KCNT1: variants seen among roughly 807,000 people sequenced by gnomAD.
KCNT1 encodes the protein potassium sodium-activated channel subfamily T member 1, also known as potassium channel subfamily T member 1.
Under a neutral mutation model 147.8 loss-of-function variants are expected in KCNT1, and 78 were observed. The ratio of observed to expected loss-of-function variants is 0.53; its 90% confidence interval spans 0.44 to 0.64. The LOEUF is 0.64. Among genes scored for constraint, KCNT1 ranks in the 30% least tolerant of loss-of-function variants. The pLI is 0.00. For missense variants in KCNT1, 1,419 were observed against 1,750.3 expected, an observed-to-expected ratio of 0.81 and a Z score of 3.38; for synonymous variants, 867 against 748.8, an observed-to-expected ratio of 1.16 and a Z score of -2.58.
chr9:135,770,794 AGGCAGGGAGCGGGACAGGGCG>A, intron 17 of KCNT1, 42 bp from the exon 18 acceptor site: 1 of 1,411,688 alleles, frequency 7.1e-7, no homozygotes, highest in Non-Finnish European at 9.7e-7. Flanking sequence ...CAGGAAGGGC[AGGCAGGGAGCGGGACAGGGCG>A]GGTGAGCGGC....
In KCNT1 at chr9:135,765,612, C is replaced by T. The variant is rs1233968615; in HGVS notation, c.1201-12C>T. ...CTGGCTCAGAGGGTCTGACCCTCCG[C>T]CTGGCCGGCAGGACTATTACGTGGT... On this transcript the variant is annotated splice_polypyrimidine_tract_variant and intron_variant, in intron 12 of 30. Transcript: ENST00000371757. The T allele has an allele frequency of 1.2e-6, 2 of 1,602,932 alleles. No individual in the cohort carries two copies. Among genetic ancestry groups the T allele is most frequent in the East Asian group, 2.2e-5 (1 of 44,594 alleles).
intron 2 of KCNT1, among the ~76,000 whole-genome samples, chr9:135,738,417 T>C (rs1225124856): frequency 2.0e-5 from 3 of 152,066 alleles, no homozygotes; most frequent in Admixed American, 2.0e-4. Context: ...GCAGAGGACT[T>C]GGTAGGTTTG....
At chr9:135,765,858 T>G in intron 13 of KCNT1, 98 bp downstream of exon 13, 1 of 1,086,252 alleles carries the variant, frequency 9.2e-7, no homozygotes, top group Non-Finnish European at 1.3e-6. Context: ...TCCTGGCCAA[T>G]GAGAGCCATG....
At chr9:135,785,238 A>G in intron 27 of KCNT1, 72 bp from the exon 28 acceptor site, 2 of 1,593,828 alleles carry the variant, frequency 1.3e-6, no homozygotes, top group Non-Finnish European at 1.7e-6. Flanking sequence ...TTCCGTGCAG[A>G]CCCCAGGCTG....
At chr9:135,759,988 G>A (rs1831806589) in intron 11 of KCNT1, 129 bp downstream of exon 11, 1 of 874,122 alleles carries the variant, frequency 1.1e-6, no homozygotes. Flanking sequence ...GTGAGGCCAG[G>A]CGGGTGGTGC....
intron 1 of KCNT1, 112 bp downstream of exon 1, chr9:135,702,480 C>A: frequency 2.2e-6 from 2 of 906,326 alleles, no homozygotes; most frequent in Non-Finnish European, 3.5e-6. Flanking sequence ...CAGGGCCATC[C>A]AACTTCCCCA....
chr9:135,771,172 C>T, intron 18 of KCNT1, 77 bp downstream of exon 18: 1 of 1,356,646 alleles, frequency 7.4e-7, no homozygotes, highest in Non-Finnish European at 1.0e-6. Context: ...CGGCAGGTGA[C>T]CAGGTGGGAT....
chr9:135,735,209 C>T (rs577004690), intron 2 of KCNT1, among the ~76,000 whole-genome samples: 2 of 152,356 alleles, frequency 1.3e-5, no homozygotes, highest in Admixed American at 1.3e-4. Context: ...AGACCACACA[C>T]AGTGGCTTTT....
In KCNT1 at chr9:135,770,093, C is replaced by T. The variant is rs112428005; in HGVS notation, c.1619+38C>T. 5.1e-3 allele frequency: 7,755 copies of T among 1,512,404 alleles called. 337 individuals carry two copies. The African/African-American group carries it at 0.095, about 19-fold the overall frequency. 93.7% of individuals were successfully genotyped at this position (1,512,404 alleles called of 1,614,324 possible). ...TGCCCCGGGGGACCGACCTCCATGG[C>T]GGGGCCGGCGCAGGGAGACAACGCA... On this transcript the variant is annotated intron_variant, in intron 16 of 30. Coordinates refer to ENST00000371757, the MANE Select transcript of KCNT1 (RefSeq NM_020822.3).
chr9:135,734,706 G>A (rs113710611), intron 2 of KCNT1, among the ~76,000 whole-genome samples: 1 of 152,172 alleles, frequency 6.6e-6, no homozygotes, highest in Non-Finnish European at 1.5e-5. Context: ...AGCCGCCCCG[G>A]GTGGGCGCGC....
At chr9:135,722,026 G>A (rs759505980) in intron 2 of KCNT1, among the ~76,000 whole-genome samples, 57 of 152,328 alleles carry the variant, frequency 3.7e-4, no homozygotes, top group Middle Eastern at 3.4e-3. Context: ...CAAGGAGTGG[G>A]CAGGATCAAC....
intron 29 of KCNT1, chr9:135,790,857 G>A (rs1008231577): frequency 6.6e-5 from 10 of 152,410 alleles, no homozygotes; most frequent in African/African-American, 2.2e-4. Context: ...TGAGGCCACA[G>A]ACCCTTTCCA....
At chr9:135,716,756 T>C (rs567017196) in intron 2 of KCNT1, among the ~76,000 whole-genome samples, 1 of 151,984 alleles carries the variant, frequency 6.6e-6, no homozygotes, top group Non-Finnish European at 1.5e-5. Context: ...TGGCTGTGGG[T>C]CCTCTCCAGG....
chr9:135,780,803 T>C (rs1168643702), intron 24 of KCNT1, among the ~76,000 whole-genome samples: 1 of 152,166 alleles, frequency 6.6e-6, no homozygotes, highest in Non-Finnish European at 1.5e-5. Flanking sequence ...GGATTCTGTG[T>C]TCGGGTGCCG....
rs146959676 is a variant in KCNT1 at position 135,775,468 on chromosome 9, C to T, written c.2349+53C>T. 6.0e-4 allele frequency: 790 copies of T among 1,309,630 alleles called. 3 individuals are homozygous for T. The African/African-American group carries it at 0.01, about 17-fold the overall frequency. 81.1% of individuals were successfully genotyped at this position (1,309,630 alleles called of 1,614,324 possible). On this transcript the variant is annotated intron_variant, in intron 20 of 30. Coordinates refer to ENST00000371757, the MANE Select transcript of KCNT1 (RefSeq NM_020822.3). Reference sequence around the variant, plus strand: ...GCACCCCCAGACGCCAGCACCGGGCCGTGCATACCTGCCCTGGTTTCTCTT... The same window carrying T: ...GCACCCCCAGACGCCAGCACCGGGCTGTGCATACCTGCCCTGGTTTCTCTT...
chr9:135,732,033 GA>G (rs1564328370), intron 2 of KCNT1, among the ~76,000 whole-genome samples: 4 of 141,820 alleles, frequency 2.8e-5, no homozygotes, highest in African/African-American at 7.8e-5. Flanking sequence ...GAGAGAGAGA[GA>G]GAGAGAGGGA....
At chr9:135,770,817 G>C in intron 17 of KCNT1, 40 bp from the exon 18 acceptor site, 2 of 1,519,096 alleles carry the variant, frequency 1.3e-6, no homozygotes, top group Non-Finnish European at 1.8e-6. Context: ...GACAGGGCGG[G>C]TGAGCGGCGG....
intron 19 of KCNT1, among the ~76,000 whole-genome samples, chr9:135,774,407 GTGTGGTGTGTGTC>G (rs1832990225): frequency 7.0e-6 from 1 of 143,644 alleles, no homozygotes; most frequent in Non-Finnish European, 1.5e-5. Context: ...GTCCGTGTGT[GTGTGGTGTGTGTC>G]TGTGTGTTGT....
chr9:135,756,968 T>TAG, intron 7 of KCNT1, 36 bp downstream of exon 7: 3 of 852,568 alleles, frequency 3.5e-6, no homozygotes, highest in Non-Finnish European at 3.2e-6. Flanking sequence ...TCACAGGGGG[T>TAG]CCCCACCCTC....
Sources: allele counts gnomAD v4.1 joint callset (sites outside exome capture counted in the v4.1 genomes callset), GRCh38; gene constraint gnomAD v4.1.1; transcripts MANE v1.5; gene names NCBI Gene and HGNC (gene_info 2026-07-23, HGNC 2026-07-21).